The following CGREF1 variants were observed in gnomAD, a reference collection of about 807,000 sequenced individuals.
CGREF1 encodes the protein cell growth regulator with EF-hand domain 1.
Under a neutral mutation model 17.4 loss-of-function variants are expected in CGREF1, and 16 were observed. The ratio of observed to expected loss-of-function variants is 0.92; its 90% CI spans 0.62 to 1.40. The LOEUF (loss-of-function observed/expected upper bound fraction) is 1.40. Among genes scored for constraint, CGREF1 ranks in the 40% most tolerant of loss-of-function variants. The pLI is 0.00. For missense variants in CGREF1, 296 were observed against 376.4 expected, an observed-to-expected ratio of 0.79 and a Z score of 1.77; for synonymous variants, 142 against 154.6, an observed-to-expected ratio of 0.92 and a Z score of 0.61.
chr2:27,106,848 T>C (rs1671139844), intron 1 of CGREF1, among the ~76,000 whole-genome samples: 1 of 152,130 alleles, frequency 6.6e-6, no homozygotes, highest in Non-Finnish European at 1.5e-5. Flanking sequence ...GAACTCCTGA[T>C]CTCAGGTGAT....
chr2:27,102,473 C>T (rs780204019), intron 3 of CGREF1, 43 bp from the exon 4 acceptor site: 6 of 1,613,062 alleles, frequency 3.7e-6, no homozygotes, highest in South Asian at 3.3e-5. Flanking sequence ...GGTGAGTCTG[C>T]AGCCCTGGGC....
At position 27,101,882 on chromosome 2, in the gene CGREF1, A is replaced by G. The variant is rs750593895; in HGVS notation, c.349T>C (p.Leu117=). The G allele has an allele frequency of 3.1e-6, 5 of 1,611,602 alleles. No homozygotes were observed. The highest frequency in any genetic ancestry group is 8.5e-7 in the Non-Finnish European group (1 of 1,179,022). ...ANSPTTNPVI[L]IVDKVLETQD... ...GTCTCGAGCACTTTGTCCACTATCA[A>G]GATCACCTGTGGAAGCAGAGTCACT... The change falls in exon 6 of 6, where the codon TTG becomes CTG. Residue 117 remains leucine, a synonymous_variant. Transcript: ENST00000402394.
At position 27,102,509 on chromosome 2, in the gene CGREF1, C is replaced by T. The variant is rs771261833; in HGVS notation, c.146+17G>A. The T allele has an allele frequency of 8.1e-6, 13 of 1,613,724 alleles. No individual in the cohort carries two copies. The highest frequency in any genetic ancestry group is 1.3e-5 in the African/African-American group (1 of 74,914). ...CTGGTCTTCTCCCTGAAAGCACCCC[C>T]GGCCCACCCTACTCACCCGAGCTGC... is the stretch of plus-strand genomic sequence containing the variant. On this transcript the variant is annotated intron_variant, in intron 3 of 5. Coordinates refer to ENST00000402394, the MANE Select transcript of CGREF1 (RefSeq NM_006569.6).
intron 1 of CGREF1, among the ~76,000 whole-genome samples, chr2:27,116,871 TTC>T (rs537582075): frequency 0.082 from 2,770 of 33,600 alleles, 104 homozygotes; most frequent in Non-Finnish European, 0.1. Flanking sequence ...GCCAGGCCTA[TTC>T]TCTCTCTCTC....
At chr2:27,117,200 T>A (rs140537936) in intron 1 of CGREF1, among the ~76,000 whole-genome samples, 1 of 152,130 alleles carries the variant, frequency 6.6e-6, no homozygotes, top group South Asian at 2.1e-4. Context: ...CATGAGCCAC[T>A]GCACCTGGCC....
downstream of CGREF1, chr2:27,100,223 T>TG (rs1415496418): frequency 2.5e-6 from 1 of 400,336 alleles, no homozygotes; most frequent in African/African-American, 2.1e-5. Context: ...CCCTGCGTTG[T>TG]GCAGACTCTA....
chr2:27,114,341 C>A (rs1671499397), intron 1 of CGREF1, among the ~76,000 whole-genome samples: 1 of 152,220 alleles, frequency 6.6e-6, no homozygotes, highest in African/African-American at 2.4e-5. Flanking sequence ...AAGGATGACT[C>A]TGGGGGGAGC....
At chr2:27,113,718 C>T (rs1671472396) in intron 1 of CGREF1, among the ~76,000 whole-genome samples, 1 of 152,116 alleles carries the variant, frequency 6.6e-6, no homozygotes, top group Non-Finnish European at 1.5e-5. Context: ...TCTGGCAGGG[C>T]TGTGGTGAGG....
At chr2:27,117,705 ATTTTTTTT>A (rs35908937) in intron 1 of CGREF1, among the ~76,000 whole-genome samples, 1 of 123,180 alleles carries the variant, frequency 8.1e-6, no homozygotes, top group Non-Finnish European at 1.6e-5. Context: ...TGGGATCTGA[ATTTTTTTT>A]TTTTTTTTTT....
chr2:27,099,679 G>A (rs761486852), downstream of CGREF1: 7 of 1,614,154 alleles, frequency 4.3e-6, 1 homozygote, highest in Middle Eastern at 1.7e-4. Context: ...GAGCGTGCAG[G>A]AAGCACTGAG....
chr2:27,117,567 T>C (rs1009550894), intron 1 of CGREF1, among the ~76,000 whole-genome samples: 1 of 152,228 alleles, frequency 6.6e-6, no homozygotes, highest in African/African-American at 2.4e-5. Context: ...CCGGCCCCAG[T>C]GTTCTTCAAG....
chr2:27,099,856 A>C, downstream of CGREF1: 2 of 1,552,564 alleles, frequency 1.3e-6, no homozygotes, highest in Non-Finnish European at 8.7e-7. Flanking sequence ...CAGGGGACAG[A>C]TGCAAGCTGT....
At chr2:27,100,231 C>G (rs925027723), downstream of CGREF1, 27 of 398,364 alleles carry the variant, frequency 6.8e-5, no homozygotes, top group Non-Finnish European at 1.0e-4. Flanking sequence ...TGTGCAGACT[C>G]TATTCCCACA....
At chr2:27,103,713 G>A (rs748062477) in intron 2 of CGREF1, among the ~76,000 whole-genome samples, 18 of 150,768 alleles carry the variant, frequency 1.2e-4, no homozygotes, top group Non-Finnish European at 2.1e-4. Context: ...GGCCAGGCAC[G>A]GTGGCTCATG....
At position 27,101,195 on chromosome 2, in the gene CGREF1, C is replaced by T. The variant is rs1670807412; in HGVS notation, c.*79G>A. The T allele has an allele frequency of 2.0e-6, 3 of 1,505,984 alleles. No homozygotes were observed. The highest frequency in any genetic ancestry group is 2.7e-5 in the South Asian group (2 of 72,974). 93.3% of individuals were successfully genotyped at this position (1,505,984 alleles called of 1,614,324 possible). On this transcript the variant is annotated 3_prime_UTR_variant, in exon 6 of 6. Coordinates refer to ENST00000402394, the MANE Select transcript of CGREF1 (RefSeq NM_006569.6). Reference sequence around the variant, plus strand: ...AGGGGGCACAGAGATGGTCCTTGTCCCAGCGTACATTTCCCCTGCCCACTT... The same window carrying T: ...AGGGGGCACAGAGATGGTCCTTGTCTCAGCGTACATTTCCCCTGCCCACTT...
chr2:27,119,000 G>C lies in CGREF1; in HGVS notation c.-166C>G, dbSNP rs895496293. 6.6e-6 allele frequency: 1 copy of C among 152,020 alleles called. No individual in the cohort carries two copies. The highest frequency in any genetic ancestry group is 1.5e-5 in the Non-Finnish European group (1 of 67,842). The allele number at this position is 152,020 out of a possible 1,614,324, so 9.4% of individuals were successfully genotyped here. On this transcript the variant is annotated 5_prime_UTR_variant, in exon 1 of 6. Coordinates refer to ENST00000402394, the MANE Select transcript of CGREF1 (RefSeq NM_006569.6). ...CCGGCTGGAGCCGCCGCCCTGGCCG[G>C]GCAGAGTCCGGAGCCAGTGCCAGCC...
At chr2:27,104,073 T>A (rs567134382) in intron 2 of CGREF1, among the ~76,000 whole-genome samples, 1 of 152,262 alleles carries the variant, frequency 6.6e-6, no homozygotes, top group East Asian at 1.9e-4. Flanking sequence ...GGAGCTGAGT[T>A]CTCTGATTCC....
chr2:27,116,878 T>TCC (rs1558466797), intron 1 of CGREF1, among the ~76,000 whole-genome samples: 1 of 36,788 alleles, frequency 2.7e-5, no homozygotes, highest in African/African-American at 1.7e-4. Flanking sequence ...CTATTCTCTC[T>TCC]CTCTCTCTCT....
chr2:27,115,379 T>C lies in CGREF1; in HGVS notation c.-12+3467A>G, dbSNP rs13428204. The stretch of plus-strand genomic sequence containing the variant: ...AGCTTTGGAAACAGCCAGACCTACT[T>C]TTAAACCCAAGCTCCACCACTGAGT... On this transcript the variant is annotated intron_variant, in intron 1 of 5. Coordinates refer to ENST00000402394, the MANE Select transcript of CGREF1 (RefSeq NM_006569.6). 2.7e-3 allele frequency among the ~76,000 whole-genome samples: 414 copies of C among 152,310 alleles called. 2 individuals are homozygous for C. Among genetic ancestry groups the C allele is most frequent in the African/African-American group, 9.2e-3 (381 of 41,556 alleles).
Sources: allele counts gnomAD v4.1 joint callset (sites outside exome capture counted in the v4.1 genomes callset), GRCh38; gene constraint gnomAD v4.1.1; transcripts MANE v1.5; gene names NCBI Gene and HGNC (gene_info 2026-07-23, HGNC 2026-07-21).